CEP126: variants seen among roughly 807,000 people sequenced by gnomAD.
CEP126 encodes the protein centrosomal protein of 126 kDa.
Under a neutral mutation model 107.8 loss-of-function variants are expected in CEP126, and 74 were observed. The observed-to-expected ratio is 0.69, with a 90% CI of 0.57 to 0.83. The LOEUF (loss-of-function observed/expected upper bound fraction) is 0.83, where lower values mean the gene tolerates loss of function less well. Among genes scored for constraint, CEP126 ranks in the 40% least tolerant of loss-of-function variants. CEP126 has a pLI of 0.00. For synonymous variants in CEP126, 449 were observed against 446.0 expected, an observed-to-expected ratio of 1.01 and a Z score of -0.08; for missense variants, 1,237 against 1,281.9, an observed-to-expected ratio of 0.96 and a Z score of 0.53.
At chr11:101,924,502 G>T (rs151247154) in intron 2 of CEP126, among the ~76,000 whole-genome samples, 2 of 152,078 alleles carry the variant, frequency 1.3e-5, no homozygotes, top group Admixed American at 6.5e-5. Context: ...GTCTCACTCT[G>T]TCACTCAGGC....
chr11:101,922,533 A>G, intron 1 of CEP126, 108 bp from the exon 2 acceptor site: 1 of 859,170 alleles, frequency 1.2e-6, no homozygotes, highest in Non-Finnish European at 1.8e-6. Context: ...TTCCACAAAA[A>G]CTATCATTAC....
chr11:101,915,363 C>CCCCTCGG lies in CEP126; in HGVS notation c.87_93dup (p.Glu32ProfsTer44), dbSNP rs1940182914. 1.2e-6 allele frequency: 2 copies of CCCCTCGG among 1,613,962 alleles called. No homozygotes were observed. Among genetic ancestry groups the CCCCTCGG allele is most frequent in the East Asian group, 4.5e-5 (2 of 44,880 alleles). On this transcript the variant is annotated frameshift_variant, in exon 1 of 11. Coordinates refer to ENST00000263468, the MANE Select transcript of CEP126 (RefSeq NM_020802.4). LOFTEE classifies it high-confidence loss of function. ...ATCATCGGACAACCTCGACAGAGCC[C>CCCCTCGG]CCCTCGGCCCTCGGGAGAGCGGCGG...
intron 2 of CEP126, among the ~76,000 whole-genome samples, chr11:101,925,554 A>T (rs1006196311): frequency 6.7e-6 from 1 of 149,816 alleles, no homozygotes; most frequent in Non-Finnish European, 1.5e-5. Context: ...GTGGATCACG[A>T]GGTCAGGAGT....
chr11:101,973,956 A>T (rs1941162761), intron 6 of CEP126, among the ~76,000 whole-genome samples: 1 of 152,028 alleles, frequency 6.6e-6, no homozygotes, highest in South Asian at 2.1e-4. Context: ...TCCAATATAG[A>T]TTATATGTGT....
chr11:101,970,443 C>G (rs944299616), intron 6 of CEP126, among the ~76,000 whole-genome samples: 1 of 151,922 alleles, frequency 6.6e-6, no homozygotes, highest in African/African-American at 2.4e-5. Flanking sequence ...ATTTTTGGTG[C>G]TAGTAATATT....
At chr11:101,997,227 A>G (rs1941452599) in intron 10 of CEP126, among the ~76,000 whole-genome samples, 1 of 152,092 alleles carries the variant, frequency 6.6e-6, no homozygotes, top group African/African-American at 2.4e-5. Context: ...CAGTAGAGAC[A>G]GGGTTTTACC....
At chr11:101,918,990 G>T (rs1386770271) in intron 1 of CEP126, among the ~76,000 whole-genome samples, 2 of 152,110 alleles carry the variant, frequency 1.3e-5, no homozygotes, top group Admixed American at 1.3e-4. Context: ...GAAATGTTAA[G>T]AAATAAAGTT....
chr11:101,947,770 A>G (rs994679888), intron 3 of CEP126, among the ~76,000 whole-genome samples: 1 of 152,184 alleles, frequency 6.6e-6, no homozygotes. Flanking sequence ...TTTGCATGCC[A>G]GGAATGAAGA....
At chr11:101,959,344 C>T (rs547737576) in intron 5 of CEP126, among the ~76,000 whole-genome samples, 22 of 152,050 alleles carry the variant, frequency 1.4e-4, no homozygotes, top group African/African-American at 4.8e-4. Context: ...TTAGTAGAGA[C>T]GAGGTTTTAC....
intron 4 of CEP126, among the ~76,000 whole-genome samples, chr11:101,952,701 G>A (rs1940828981): frequency 6.6e-6 from 1 of 152,164 alleles, no homozygotes; most frequent in African/African-American, 2.4e-5. Flanking sequence ...GTAATTGGAA[G>A]GAGAATGACA....
chr11:101,948,015 T>G lies in CEP126; in HGVS notation c.395-16T>G. 4 of 1,495,930 alleles carry G rather than the reference T, an allele frequency of 2.7e-6. No individual in the cohort carries two copies. Among genetic ancestry groups the G allele is most frequent in the Non-Finnish European group, 3.7e-6 (4 of 1,076,024 alleles). 92.7% of individuals were successfully genotyped at this position (1,495,930 alleles called of 1,614,324 possible). On this transcript the variant is annotated splice_polypyrimidine_tract_variant and intron_variant, in intron 3 of 10. Coordinates refer to ENST00000263468, the MANE Select transcript of CEP126 (RefSeq NM_020802.4). The stretch of plus-strand genomic sequence containing the variant: ...TAAAGTGATTCTGTACTGTTCGGTC[T>G]TTATTATCTCTTTAGTTTCCCGAAA...
At position 101,987,048 on chromosome 11, in the gene CEP126, A is replaced by G. The variant is rs1365125319; in HGVS notation, c.3244+7A>G. ...CTCAGTGAAAGACTACATTGTAAGT[A>G]TGGAAGAACACCTTTTATAAGAAAT... On this transcript the variant is annotated splice_region_variant and intron_variant, in intron 9 of 10. Transcript: ENST00000263468. 2.0e-6 allele frequency: 3 copies of G among 1,518,274 alleles called. No individual in the cohort carries two copies. The highest frequency in any genetic ancestry group is 4.5e-5 in the East Asian group (2 of 44,330). 94.1% of individuals were successfully genotyped at this position (1,518,274 alleles called of 1,614,324 possible). A position where few individuals can be genotyped will look rare whatever the true frequency, so the allele number is the denominator to read the frequency against.
rs980359582 is a variant in CEP126 at position 101,915,194 on chromosome 11, G to A, written c.-91G>A. 3.2e-6 allele frequency: 5 copies of A among 1,568,344 alleles called. No homozygotes were observed. The highest frequency in any genetic ancestry group is 4.3e-6 in the Non-Finnish European group (5 of 1,153,478). On this transcript the variant is annotated 5_prime_UTR_variant, in exon 1 of 11. Coordinates refer to ENST00000263468, the MANE Select transcript of CEP126 (RefSeq NM_020802.4). Reference sequence around the variant, plus strand: ...TGACGCGGGGCCTGAGAGACGGAGTGTAGGGAGGGGCCGAGCAGGAGGAGG... The same window carrying A: ...TGACGCGGGGCCTGAGAGACGGAGTATAGGGAGGGGCCGAGCAGGAGGAGG...
chr11:101,948,185 G>A (rs762061843), intron 4 of CEP126, 43 bp downstream of exon 4: 2 of 1,215,592 alleles, frequency 1.6e-6, no homozygotes, highest in Admixed American at 1.8e-5. Flanking sequence ...TACAATAATT[G>A]TATAACCATC....
At chr11:101,959,702 G>T (rs969660654) in intron 5 of CEP126, among the ~76,000 whole-genome samples, 7 of 152,020 alleles carry the variant, frequency 4.6e-5, no homozygotes, top group African/African-American at 1.7e-4. Flanking sequence ...AAAGACAATT[G>T]AAAAAAGAAA....
chr11:101,968,329 A>C (rs1941083773), intron 6 of CEP126, among the ~76,000 whole-genome samples: 1 of 152,220 alleles, frequency 6.6e-6, no homozygotes, highest in Admixed American at 6.5e-5. Context: ...CATTTATCTC[A>C]ACTCTATATA....
At chr11:101,951,269 T>C (rs1490307928) in intron 4 of CEP126, among the ~76,000 whole-genome samples, 1 of 152,044 alleles carries the variant, frequency 6.6e-6, no homozygotes, top group African/African-American at 2.4e-5. Context: ...TTTGGGAGGC[T>C]GAGGAAGGAG....
At chr11:101,917,099 A>G (rs1206919882) in intron 1 of CEP126, among the ~76,000 whole-genome samples, 1 of 145,320 alleles carries the variant, frequency 6.9e-6, no homozygotes, top group African/African-American at 2.6e-5. Flanking sequence ...TATTTTTGCT[A>G]GTTTGCATAT....
Position 101,931,803 on chromosome 11 carries a change from G to T in CEP126, c.248+9043G>T, listed in dbSNP as rs2137086003. Reference sequence around the variant, plus strand: ...TAAATACTACTTCCTAGGTTCTATTGTTAAACGGTTGCCATGATGTTTATT... The same window carrying T: ...TAAATACTACTTCCTAGGTTCTATTTTTAAACGGTTGCCATGATGTTTATT... On this transcript the variant is annotated intron_variant, in intron 2 of 10. Transcript: ENST00000263468. Among the ~76,000 whole-genome samples the T allele has an allele frequency of 2.0e-5, 3 of 152,294 alleles. No individual in the cohort carries two copies. The South Asian group carries it at 6.2e-4, about 32-fold the overall frequency.
Sources: gnomAD v4.1 joint callset for allele counts (sites outside exome capture counted in the v4.1 genomes callset) on GRCh38, gnomAD v4.1.1 for gene constraint, MANE v1.5 for transcripts, NCBI Gene and HGNC (gene_info 2026-07-23, HGNC 2026-07-21) for gene names.